Variants in COL21A1 observed in about 807,000 individuals in gnomAD.
COL21A1 encodes the protein collagen alpha-1(XXI) chain.
Under a neutral mutation model 137.9 loss-of-function variants are expected in COL21A1, and 149 were observed. The ratio of observed to expected loss-of-function variants is 1.08; its 90% CI spans 0.95 to 1.24. COL21A1 has a LOEUF of 1.24. COL21A1 is among the 50% of genes most tolerant of loss of function. The probability of loss-of-function intolerance (pLI) is 0.00; values close to 1 mark genes in which losing one functional copy is unlikely to be tolerated. For synonymous variants in COL21A1, 456 were observed against 391.5 expected (o/e 1.16, Z -1.95); for missense variants, 1,167 against 1,158.4 (o/e 1.01, Z -0.11).
chr6:56,213,720 C>T (rs1369547750), intron 1 of COL21A1, among the ~76,000 whole-genome samples: 1 of 151,922 alleles, frequency 6.6e-6, no homozygotes, highest in African/African-American at 2.4e-5. Flanking sequence ...TACTACAGAG[C>T]CCTTAACAGT....
chr6:56,201,347 G>A (rs1779395719), intron 1 of COL21A1, among the ~76,000 whole-genome samples: 1 of 152,130 alleles, frequency 6.6e-6, no homozygotes, highest in Non-Finnish European at 1.5e-5. Flanking sequence ...TGTTGCCATT[G>A]CTTTTGGTGT....
chr6:56,059,050 A>G lies in COL21A1; in HGVS notation c.2686+115T>C, dbSNP rs180791327. 4.0e-4 allele frequency: 305 copies of G among 763,572 alleles called. 2 individuals are homozygous for G. In the African/African-American group the frequency reaches 5.1e-3, roughly 13 times the overall value. 47.3% of individuals were successfully genotyped at this position (763,572 alleles called of 1,614,324 possible). A position where few individuals can be genotyped will look rare whatever the true frequency, so the allele number is the denominator to read the frequency against. Reference sequence around the variant, plus strand: ...TTAGACTTCAGTGTGTTAAATGTGAATCACTCAAAAAAGAAAACAGATGTC... The same window carrying G: ...TTAGACTTCAGTGTGTTAAATGTGAGTCACTCAAAAAAGAAAACAGATGTC... On this transcript the variant is annotated intron_variant, in intron 29 of 29. Coordinates refer to ENST00000244728, the MANE Select transcript of COL21A1 (RefSeq NM_030820.4).
At chr6:56,149,947 C>T (rs1775156591) in intron 10 of COL21A1, among the ~76,000 whole-genome samples, 1 of 152,200 alleles carries the variant, frequency 6.6e-6, no homozygotes, top group Non-Finnish European at 1.5e-5. Flanking sequence ...ACTCCAGTTA[C>T]TCCATTGCTC....
At chr6:56,123,227 ATAAT>A (rs1004253315) in intron 16 of COL21A1, among the ~76,000 whole-genome samples, 7 of 152,364 alleles carry the variant, frequency 4.6e-5, no homozygotes, top group African/African-American at 1.7e-4. Flanking sequence ...CCACTGAAGC[ATAAT>A]TAACAAGAAG....
chr6:56,179,755 C>A lies in COL21A1; in HGVS notation c.463G>T (p.Ala155Ser), dbSNP rs760316856. The change falls in exon 3 of 30, where the codon GCT (alanine) becomes TCT (serine). Residue 155 changes from alanine to serine, a missense_variant. Ala to Ser is a moderately conservative substitution (Grantham distance 99, BLOSUM62 1). Transcript: ENST00000244728. ...GKSQDDVKDAAQAARDSKITL... is the reference protein window; with the variant it reads ...GKSQDDVKDASQAARDSKITL... ...ATCTTACTATCTCTTGCTGCTTGAG[C>A]TGCATCCTTGACGTCATCTTGGGAT... is the stretch of plus-strand genomic sequence containing the variant. The A allele has an allele frequency of 3.1e-6, 5 of 1,613,928 alleles. No homozygotes were observed. The highest frequency in any genetic ancestry group is 1.7e-5 in the Admixed American group (1 of 60,014).
chr6:56,365,654 T>C (rs930704095), intron 1 of COL21A1, among the ~76,000 whole-genome samples: 1 of 152,216 alleles, frequency 6.6e-6, no homozygotes, highest in Non-Finnish European at 1.5e-5. Context: ...GCACTAAAGT[T>C]ACCAGGCCTC....
At chr6:56,338,113 C>G (rs1010585589) in intron 1 of COL21A1, among the ~76,000 whole-genome samples, 1 of 151,888 alleles carries the variant, frequency 6.6e-6, no homozygotes, top group African/African-American at 2.4e-5. Context: ...CAGGTGTGTG[C>G]CACCATGCTT....
intron 1 of COL21A1, among the ~76,000 whole-genome samples, chr6:56,301,584 T>A (rs1764279923): frequency 6.6e-6 from 1 of 152,108 alleles, no homozygotes; most frequent in African/African-American, 2.4e-5. Context: ...ACTACAGACA[T>A]CAGAAACAGT....
rs991600488 is a variant in COL21A1, at chr6:56,326,587, G to A, written c.-39+67384C>T. On this transcript the variant is annotated intron_variant, in intron 1 of 28. Coordinates refer to the COL21A1 transcript ENST00000370819. Reference sequence around the variant, plus strand: ...TAGTGTATCACACTAATGTGAGATAGCATGACAAATCAAAATAACAGTCAT... The same window carrying A: ...TAGTGTATCACACTAATGTGAGATAACATGACAAATCAAAATAACAGTCAT... 7.9e-5 allele frequency among the ~76,000 whole-genome samples: 12 copies of A among 152,042 alleles called. No individual in the cohort carries two copies. In the South Asian group the frequency reaches 8.3e-4, roughly 11 times the overall value.
intron 1 of COL21A1, among the ~76,000 whole-genome samples, chr6:56,328,604 A>T (rs1765153299): frequency 6.6e-6 from 1 of 152,132 alleles, no homozygotes; most frequent in Non-Finnish European, 1.5e-5. Context: ...AATAAATAAC[A>T]AGTTATAATG....
chr6:56,160,236 G>A (rs1325152262), intron 9 of COL21A1, among the ~76,000 whole-genome samples: 4 of 152,226 alleles, frequency 2.6e-5, no homozygotes, highest in Middle Eastern at 3.2e-3. Flanking sequence ...TGACTGTTAT[G>A]TGCTAAGCAC....
intron 1 of COL21A1, among the ~76,000 whole-genome samples, chr6:56,255,337 GT>G (rs1562026464): frequency 1.6e-3 from 41 of 25,904 alleles, no homozygotes; most frequent in Non-Finnish European, 5.1e-4. Context: ...TTAAGAGGGT[GT>G]GTGTGTGTGT....
intron 1 of COL21A1, among the ~76,000 whole-genome samples, chr6:56,206,356 A>G (rs1400251977): frequency 6.6e-6 from 1 of 151,996 alleles, no homozygotes; most frequent in East Asian, 1.9e-4. Context: ...CTTTGATGAA[A>G]CAGACTTTAA....
intron 1 of COL21A1, among the ~76,000 whole-genome samples, chr6:56,387,333 T>A (rs10456733): frequency 0.057 from 8,675 of 152,234 alleles, 329 homozygotes; most frequent in Non-Finnish European, 0.092. Flanking sequence ...GAATTATTTT[T>A]TAAAGTCTGT....
intron 1 of COL21A1, among the ~76,000 whole-genome samples, chr6:56,286,094 C>T (rs73459037): frequency 0.024 from 3,619 of 152,144 alleles, 155 homozygotes; most frequent in African/African-American, 0.083. Context: ...TAAAAACTGG[C>T]CAGTCAGAAA....
At chr6:56,140,607 C>T (rs1166650304) in intron 12 of COL21A1, among the ~76,000 whole-genome samples, 4 of 152,116 alleles carry the variant, frequency 2.6e-5, no homozygotes, top group Admixed American at 2.6e-4. Flanking sequence ...TTCCAAAAAT[C>T]AAGTAACCAT....
chr6:56,377,152 A>C (rs1431500872), intron 1 of COL21A1, among the ~76,000 whole-genome samples: 1 of 151,408 alleles, frequency 6.6e-6, no homozygotes, highest in Non-Finnish European at 1.5e-5. Flanking sequence ...TAATTTATTT[A>C]TTTATTTTTT....
chr6:56,212,403 T>C (rs1352592153), intron 1 of COL21A1, among the ~76,000 whole-genome samples: 1 of 152,044 alleles, frequency 6.6e-6, no homozygotes, highest in African/African-American at 2.4e-5. Context: ...AGAAATTTTA[T>C]AGCATAGGTT....
chr6:56,062,273 T>C (rs1765858964), intron 24 of COL21A1, among the ~76,000 whole-genome samples: 1 of 152,142 alleles, frequency 6.6e-6, no homozygotes, highest in African/African-American at 2.4e-5. Flanking sequence ...CACAGTGATA[T>C]AAACACTGGG....
Sources: gnomAD v4.1 joint callset for allele counts (sites outside exome capture counted in the v4.1 genomes callset) on GRCh38, gnomAD v4.1.1 for gene constraint, MANE v1.5 for transcripts, NCBI Gene and HGNC (gene_info 2026-07-23, HGNC 2026-07-21) for gene names.